The following GARNL3 variants were observed in gnomAD, a reference collection of about 807,000 sequenced individuals.
GARNL3 encodes the protein GTPase-activating Rap/Ran-GAP domain-like protein 3.
A neutral mutation model predicts 125.0 loss-of-function variants in GARNL3; 63 were observed. The ratio of observed to expected loss-of-function variants is 0.50; its 90% CI spans 0.41 to 0.62. GARNL3 has a LOEUF of 0.62. Ranked by LOEUF, GARNL3 falls within the 20% of genes least tolerant of loss-of-function variation. The pLI is 0.00. For missense variants in GARNL3, 994 were observed against 1,244.0 expected, an observed-to-expected ratio of 0.80 and a Z score of 3.02; for synonymous variants, 439 against 457.5, an observed-to-expected ratio of 0.96 and a Z score of 0.52.
intron 2 of GARNL3, among the ~76,000 whole-genome samples, chr9:127,248,844 A>G (rs2063350579): frequency 6.6e-6 from 1 of 151,590 alleles, no homozygotes; most frequent in African/African-American, 2.4e-5. Flanking sequence ...TCCTGAACTC[A>G]AAGAGATCTG....
At chr9:127,231,052 T>TATATATATATATGTA in intron 1 of GARNL3, among the ~76,000 whole-genome samples, 1 of 72,672 alleles carries the variant, frequency 1.4e-5, no homozygotes, top group South Asian at 4.4e-4. Context: ...ATATATATAT[T>TATATATATATATGTA]TTTTTTTTTT....
intron 7 of GARNL3, among the ~76,000 whole-genome samples, chr9:127,326,776 G>A (rs1456227407): frequency 1.3e-5 from 2 of 152,122 alleles, no homozygotes; most frequent in Non-Finnish European, 2.9e-5. Context: ...GAGCCCTTGT[G>A]AATGGGATTA....
chr9:127,319,120 T>A (rs1452981611), intron 5 of GARNL3, among the ~76,000 whole-genome samples: 1 of 152,178 alleles, frequency 6.6e-6, no homozygotes, highest in African/African-American at 2.4e-5. Flanking sequence ...TAGCTACAAC[T>A]CATCCTTACC....
chr9:127,384,819 C>T lies in GARNL3; in HGVS notation c.2270-208C>T, dbSNP rs1169487546. ...GTGACAGTGCACACCTCCTGGGAGG[C>T]GCAGTGTGGCAACCGAGGGGAGGCT... On this transcript the variant is annotated intron_variant, in intron 23 of 27. Coordinates refer to ENST00000373387, the MANE Select transcript of GARNL3 (RefSeq NM_032293.5). This position sits in a 1 kb window ranked among gnomAD's most constrained non-coding sequence, Gnocchi z 4.0. 2.6e-5 allele frequency among the ~76,000 whole-genome samples: 4 copies of T among 152,124 alleles called. No homozygotes were observed. The highest frequency in any genetic ancestry group is 2.1e-4 in the South Asian group (1 of 4,830).
chr9:127,250,520 C>A (rs1211015414), intron 2 of GARNL3, among the ~76,000 whole-genome samples: 1 of 152,092 alleles, frequency 6.6e-6, no homozygotes, highest in African/African-American at 2.4e-5. Flanking sequence ...GGCAGTAAGT[C>A]TGATTAGGGG....
In GARNL3 at chr9:127,302,160, T is replaced by A. The variant is rs542244198; in HGVS notation, c.220-9476T>A. Among the ~76,000 whole-genome samples, 262 of 151,970 alleles carry A rather than the reference T, an allele frequency of 1.7e-3. No individual in the cohort carries two copies. The Middle Eastern group carries it at 0.02, about 12-fold the overall frequency. ...GGTTTCCCCGTGTCAGCCAGGATGG[T>A]CTCGATCTCCTGACCTCATGATCCA... On this transcript the variant is annotated intron_variant, in intron 2 of 27. Transcript: ENST00000373387.
chr9:127,353,502 TG>T (rs1830519524), intron 17 of GARNL3: 1 of 170,944 alleles, frequency 5.8e-6, no homozygotes. Context: ...TTTTTTAACT[TG>T]GTGTTCAGGC....
upstream of GARNL3, among the ~76,000 whole-genome samples, chr9:127,260,195 T>C (rs1024561857): frequency 6.6e-6 from 1 of 152,222 alleles, no homozygotes; most frequent in Non-Finnish European, 1.5e-5. Context: ...CTCCCATGGA[T>C]AGAAACCTGG....
intron 1 of GARNL3, among the ~76,000 whole-genome samples, chr9:127,274,264 G>A (rs953195259): frequency 6.6e-6 from 1 of 152,112 alleles, no homozygotes; most frequent in African/African-American, 2.4e-5. Context: ...CACCTGACCA[G>A]CCATTTGGTG....
chr9:127,245,677 T>C (rs1210321857), intron 2 of GARNL3, among the ~76,000 whole-genome samples: 1 of 152,240 alleles, frequency 6.6e-6, no homozygotes, highest in Non-Finnish European at 1.5e-5. Flanking sequence ...TGAACAAATA[T>C]TTATTGATCA....
intron 9 of GARNL3, among the ~76,000 whole-genome samples, chr9:127,334,447 G>A (rs1010172695): frequency 1.3e-5 from 2 of 152,134 alleles, no homozygotes; most frequent in Non-Finnish European, 2.9e-5. Context: ...TTCTGAATTC[G>A]GGAGAGCTAA....
In GARNL3 at chr9:127,387,167, C is replaced by T. The variant is rs113254567; in HGVS notation, c.2389-26C>T. On this transcript the variant is annotated intron_variant, in intron 24 of 27. Transcript: ENST00000373387. ...GCAAGGCCTAGAACACCAGGCAGCC[C>T]GGTAATGCTCTCTCTTCCTTTCTAG... 143 of 1,603,512 alleles carry T rather than the reference C, an allele frequency of 8.9e-5. No individual in the cohort carries two copies. In the African/African-American group the frequency reaches 1.4e-3, roughly 15 times the overall value.
chr9:127,344,254 C>A lies in GARNL3; in HGVS notation c.1271C>A (p.Ser424Tyr). 1 of 1,611,472 alleles carries A rather than the reference C, an allele frequency of 6.2e-7. No homozygotes were observed. The highest frequency in any genetic ancestry group is 8.5e-7 in the Non-Finnish European group (1 of 1,178,796). The change falls in exon 15 of 28, where the codon TCT (serine) becomes TAT (tyrosine). Residue 424 changes from serine (S) to tyrosine (Y), a missense_variant. Ser to Tyr is a moderately radical substitution (Grantham distance 144). Coordinates refer to ENST00000373387, the MANE Select transcript of GARNL3 (RefSeq NM_032293.5). ...TTTTAGAACATGCTTAATAGACGAT[C>A]TTTTAGTGATGTCTTACCAGAGTCA... Reference protein sequence around the residue: ...DLHKNMLNRRSFSDVLPESPK... With the variant: ...DLHKNMLNRRYFSDVLPESPK...
chr9:127,353,559 T>C (rs1461453108), intron 17 of GARNL3: 2 of 288,668 alleles, frequency 6.9e-6, no homozygotes, highest in Non-Finnish European at 1.3e-5. Flanking sequence ...GATGTTGCTT[T>C]TTCTTTGATG....
chr9:127,274,284 A>T (rs1002027320), intron 1 of GARNL3, among the ~76,000 whole-genome samples: 2 of 152,266 alleles, frequency 1.3e-5, no homozygotes, highest in South Asian at 4.1e-4. Context: ...GACCATCTTG[A>T]GCTCCGAGTG....
intron 2 of GARNL3, among the ~76,000 whole-genome samples, chr9:127,307,031 A>G (rs2064976282): frequency 6.6e-6 from 1 of 152,174 alleles, no homozygotes; most frequent in Admixed American, 6.5e-5. Context: ...AATTCTGAAA[A>G]TATCTTTGAT....
At chr9:127,287,385 A>G (rs1416070715) in intron 1 of GARNL3, among the ~76,000 whole-genome samples, 1 of 152,188 alleles carries the variant, frequency 6.6e-6, no homozygotes, top group Non-Finnish European at 1.5e-5. Flanking sequence ...AATTGGCCAG[A>G]TCAAAGGTTT....
At chr9:127,298,971 A>G (rs2064693898) in intron 2 of GARNL3, among the ~76,000 whole-genome samples, 1 of 152,136 alleles carries the variant, frequency 6.6e-6, no homozygotes. Context: ...AGTCAACAGA[A>G]ATGCTTCCCA....
chr9:127,268,129 C>T (rs1378562145), intron 1 of GARNL3, among the ~76,000 whole-genome samples: 2 of 152,196 alleles, frequency 1.3e-5, no homozygotes, highest in African/African-American at 2.4e-5. Flanking sequence ...GACTGAGAGT[C>T]AGGGGAGAGA....
Sources: gnomAD v4.1 joint callset for allele counts (sites outside exome capture counted in the v4.1 genomes callset) on GRCh38, gnomAD v4.1.1 for gene constraint, Gnocchi (gnomAD v3.1) non-coding constraint, MANE v1.5 for transcripts, NCBI Gene and HGNC (gene_info 2026-07-23, HGNC 2026-07-21) for gene names.